The following TPTE2 variants were observed in gnomAD, a reference collection of about 807,000 sequenced individuals.
The protein encoded by TPTE2 is transmembrane phosphoinositide 3-phosphatase and tensin homolog 2, also known as phosphatidylinositol 3,4,5-trisphosphate 3-phosphatase TPTE2.
TPTE2 carries 53 observed loss-of-function variants against 78.6 expected under a neutral mutation model. That is an observed-to-expected ratio of 0.67 (90% CI 0.54 to 0.85). The LOEUF (loss-of-function observed/expected upper bound fraction) is 0.85, where lower values mean the gene tolerates loss of function less well. Among genes scored for constraint, TPTE2 ranks in the 40% least tolerant of loss-of-function variants. TPTE2 has a pLI of 0.00. For synonymous variants in TPTE2, 175 were observed against 206.2 expected, an observed-to-expected ratio of 0.85 and a Z score of 1.30; for missense variants, 461 against 623.0, an observed-to-expected ratio of 0.74 and a Z score of 2.77.
chr13:19,473,632 G>C (rs1046317675), intron 6 of TPTE2, among the ~76,000 whole-genome samples: 9 of 124,684 alleles, frequency 7.2e-5, no homozygotes, highest in Non-Finnish European at 1.3e-4. Context: ...GTCTCGCCCT[G>C]TCACCCAGGC....
At chr13:19,474,024 G>C in exon 6 of TPTE2, 3 of 1,609,056 alleles carry the variant, frequency 1.9e-6, no homozygotes, top group Non-Finnish European at 2.5e-6. Context: ...TGAAAATTAG[G>C]TCGGCAAGGA....
At chr13:19,479,189 A>T (rs1327224764) in intron 4 of TPTE2, among the ~76,000 whole-genome samples, 1 of 152,198 alleles carries the variant, frequency 6.6e-6, no homozygotes. Flanking sequence ...GAAAATGTAA[A>T]TAAATGATTC....
intron 10 of TPTE2, among the ~76,000 whole-genome samples, chr13:19,462,963 A>G (rs1879028340): frequency 6.7e-6 from 1 of 150,266 alleles, no homozygotes; most frequent in African/African-American, 2.5e-5. Context: ...TATCTCTCCC[A>G]TGTCTGTTTT....
intron 13 of TPTE2, among the ~76,000 whole-genome samples, chr13:19,440,775 A>ACAAG (rs1269418200): frequency 1.3e-5 from 2 of 150,968 alleles, no homozygotes; most frequent in Non-Finnish European, 3.0e-5. Context: ...TCAAAAACAA[A>ACAAG]CAAGCAAACA....
At chr13:19,442,742 A>C (rs1593356824) in intron 13 of TPTE2, among the ~76,000 whole-genome samples, 1 of 152,186 alleles carries the variant, frequency 6.6e-6, no homozygotes, top group African/African-American at 2.4e-5. Context: ...ATCTCTGCAG[A>C]CACTAAAATG....
intron 13 of TPTE2, among the ~76,000 whole-genome samples, chr13:19,447,120 T>A (rs1248955277): frequency 1.3e-5 from 2 of 152,122 alleles, no homozygotes; most frequent in African/African-American, 4.8e-5. Flanking sequence ...ACTGGTAACC[T>A]GCAGGCAGCA....
At chr13:19,524,272 AT>A (rs1172974716) in intron 1 of TPTE2, among the ~76,000 whole-genome samples, 8 of 152,240 alleles carry the variant, frequency 5.3e-5, no homozygotes, top group Non-Finnish European at 1.0e-4. Flanking sequence ...CAGGCAGTAG[AT>A]TTTAAAACAT....
intron 7 of TPTE2, among the ~76,000 whole-genome samples, chr13:19,466,954 G>A (rs933406712): frequency 2.0e-5 from 3 of 152,160 alleles, no homozygotes; most frequent in Admixed American, 2.0e-4. Flanking sequence ...AGAAGTTAAA[G>A]TTAGTACAAG....
intron 6 of TPTE2, among the ~76,000 whole-genome samples, chr13:19,468,025 CTTTTTTTTTTTTTTT>C (rs71092364): frequency 4.4e-5 from 2 of 45,538 alleles, no homozygotes; most frequent in Admixed American, 4.0e-4. Context: ...GACAGGATCT[CTTTTTTTTTTTTTTT>C]TTTTTTTTTT....
chr13:19,521,712 G>A (rs1870162372), intron 1 of TPTE2, among the ~76,000 whole-genome samples: 1 of 151,928 alleles, frequency 6.6e-6, no homozygotes, highest in Non-Finnish European at 1.5e-5. Flanking sequence ...TTATAACTAT[G>A]TAGTTCATAT....
At chr13:19,532,144 C>T (rs1235087469) in intron 1 of TPTE2, among the ~76,000 whole-genome samples, 1 of 152,146 alleles carries the variant, frequency 6.6e-6, no homozygotes, top group Non-Finnish European at 1.5e-5. Flanking sequence ...AAACAGGCCT[C>T]CCAGCCACTC....
At chr13:19,447,405 TGG>T (rs1877912221) in intron 13 of TPTE2, among the ~76,000 whole-genome samples, 1 of 152,194 alleles carries the variant, frequency 6.6e-6, no homozygotes, top group Non-Finnish European at 1.5e-5. Context: ...TAATGTGAAA[TGG>T]CCATTTTTAA....
At chr13:19,554,967 T>C in the TPTE2 span, among the ~76,000 whole-genome samples, 1 of 152,226 alleles carries the variant, frequency 6.6e-6, no homozygotes, top group Non-Finnish European at 1.5e-5. Flanking sequence ...TACTTGGTGG[T>C]CACTGACTGA....
chr13:19,498,172 T>C (rs1248627508), intron 1 of TPTE2, among the ~76,000 whole-genome samples: 3 of 152,172 alleles, frequency 2.0e-5, no homozygotes, highest in African/African-American at 4.8e-5. Flanking sequence ...CTACGTCTCA[T>C]TGGTGTGCCT....
the TPTE2 span, among the ~76,000 whole-genome samples, chr13:19,558,396 G>T: frequency 6.6e-6 from 1 of 152,110 alleles, no homozygotes; most frequent in South Asian, 2.1e-4. Context: ...ACTTTGATAT[G>T]GTGGAAACAT....
intron 13 of TPTE2, among the ~76,000 whole-genome samples, chr13:19,446,622 A>T (rs1297183411): frequency 3.9e-5 from 6 of 152,210 alleles, no homozygotes; most frequent in Non-Finnish European, 5.9e-5. Context: ...CACACATAGA[A>T]AAACAAATTT....
chr13:19,475,222 A>AT (rs577275174), intron 5 of TPTE2, among the ~76,000 whole-genome samples: 7 of 149,936 alleles, frequency 4.7e-5, no homozygotes, highest in Admixed American at 1.3e-4. Context: ...AGACTCATAT[A>AT]TTTTTTTTTC....
intron 1 of TPTE2, among the ~76,000 whole-genome samples, chr13:19,508,813 A>T (rs1869243302): frequency 6.6e-6 from 1 of 152,196 alleles, no homozygotes; most frequent in Non-Finnish European, 1.5e-5. Context: ...ATCAGCTTTA[A>T]GTATCTAATG....
chr13:19,425,104 T>C (rs1875929690), intron 18 of TPTE2, 87 bp from the exon 22 acceptor site: 2 of 637,510 alleles, frequency 3.1e-6, no homozygotes, highest in Admixed American at 3.6e-5. Context: ...TATTCCTTTA[T>C]ATATTTATCA....
Sources: allele counts gnomAD v4.1 joint callset (sites outside exome capture counted in the v4.1 genomes callset), GRCh38; gene constraint gnomAD v4.1.1; transcripts MANE v1.5; gene names NCBI Gene and HGNC (gene_info 2026-07-23, HGNC 2026-07-21).